The following MPIG6B variants were observed in gnomAD, a reference collection of about 807,000 sequenced individuals.
MPIG6B encodes the protein immunoglobulin receptor.
In MPIG6B, 22 loss-of-function variants were observed where a neutral mutation model predicts 24.2. The ratio of observed to expected loss-of-function variants is 0.91; its 90% confidence interval spans 0.65 to 1.30. The LOEUF is 1.30. Ranked by LOEUF, MPIG6B falls within the 50% of genes most tolerant of loss-of-function variation. The pLI is 0.00. For synonymous variants in MPIG6B, 136 were observed against 142.0 expected (o/e 0.96, Z 0.30); for missense variants, 301 against 318.5 (o/e 0.94, Z 0.42).
At chr6:31,724,663 A>G in intron 4 of MPIG6B, 36 bp downstream of exon 4, 9 of 1,607,390 alleles carry the variant, frequency 5.6e-6, no homozygotes, top group Non-Finnish European at 7.7e-6. Flanking sequence ...TTTCTCCTAC[A>G]TGCCCACTCC....
In MPIG6B at chr6:31,725,006, A is replaced by G; in HGVS notation, c.658A>G (p.Ser220Gly). 1 of 1,613,842 alleles carries G rather than the reference A, an allele frequency of 6.2e-7. No homozygotes were observed. The highest frequency in any genetic ancestry group is 8.5e-7 in the Non-Finnish European group (1 of 1,179,984). Residue 220 changes from serine to glycine, a missense_variant, in exon 6 of 6, where the codon AGC (serine) becomes GGC (glycine). Physicochemically the swap from Ser to Gly is moderately conservative, Grantham distance 56 (BLOSUM62 0). Coordinates refer to ENST00000649779, the MANE Select transcript of MPIG6B (RefSeq NM_138272.3). The surrounding 1 kb of genome is among the most constrained non-coding windows in gnomAD (Gnocchi z 5.2). ...LYADLDHLAL[S>G]RPRRLSTADP... ...TGCGGATCTGGACCATCTAGCCCTC[A>G]GCAGGCCCCGCCGGCTGTCCACAGC...
At chr6:31,721,500 G>A, upstream of MPIG6B, 1 of 761,222 alleles carries the variant, frequency 1.3e-6, no homozygotes, top group East Asian at 2.7e-5. Flanking sequence ...GGTGGCACAG[G>A]AGAGCTGAGC....
chr6:31,724,253 C>A, intron 3 of MPIG6B, 21 bp downstream of exon 3: 2 of 1,591,136 alleles, frequency 1.3e-6, no homozygotes, highest in Non-Finnish European at 1.7e-6. Flanking sequence ...GGGACCCGGC[C>A]TCGTTAAATG....
At chr6:31,722,599 G>A (rs1403752028), upstream of MPIG6B, among the ~76,000 whole-genome samples, 1 of 152,196 alleles carries the variant, frequency 6.6e-6, no homozygotes, top group Non-Finnish European at 1.5e-5. Flanking sequence ...GCTCACACCT[G>A]TAATCTCAGC....
rs750310186 is a variant in MPIG6B, at chr6:31,725,120, C to T, written c.*46C>T. 5 of 1,350,168 alleles carry T rather than the reference C, an allele frequency of 3.7e-6. No homozygotes were observed. In the East Asian group the frequency reaches 1.1e-4, roughly 31 times the overall value. 83.6% of individuals were successfully genotyped at this position (1,350,168 alleles called of 1,614,324 possible). A position where few individuals can be genotyped will look rare whatever the true frequency, so the allele number is the denominator to read the frequency against. On this transcript the variant is annotated 3_prime_UTR_variant, in exon 6 of 6. Transcript: ENST00000649779. This position sits in a 1 kb window ranked among gnomAD's most constrained non-coding sequence, Gnocchi z 5.2. Reference sequence around the variant, plus strand: ...CCTCCCAAGCTAGGGGATCCCAGCTCCCCATAATCCCTCTCCCCTCCTTGG... The same window carrying T: ...CCTCCCAAGCTAGGGGATCCCAGCTTCCCATAATCCCTCTCCCCTCCTTGG...
At position 31,723,874 on chromosome 6, in the gene MPIG6B, C is replaced by G. The variant is rs756862856; in HGVS notation, c.297C>G (p.Ser99Arg). 9.3e-6 allele frequency: 15 copies of G among 1,610,428 alleles called. No individual in the cohort carries two copies. The South Asian group carries it at 1.5e-4, about 17-fold the overall frequency. ...TCCGGCGGCTGGAGCTCCTCTTGAG[C>G]GCGGGGGACTCGGGCACTTTTTTCT... ...SGIRRLELLL[S>R]AGDSGTFFCK... The change falls in exon 2 of 6, where the codon AGC becomes AGG. Residue 99 changes from serine (S) to arginine (R), a missense_variant. Physicochemically the swap from Ser to Arg is moderately radical, Grantham distance 110. Transcript: ENST00000649779. This position sits in a 1 kb window ranked among gnomAD's most constrained non-coding sequence, Gnocchi z 4.3.
rs534806611 is a variant in MPIG6B, at chr6:31,723,818, G to A, written c.241G>A (p.Val81Ile). The change falls in exon 2 of 6, where the codon GTC becomes ATC. Residue 81 changes from valine (V) to isoleucine (I), a missense_variant. Val to Ile is a conservative substitution (Grantham distance 29, BLOSUM62 3). Coordinates refer to ENST00000649779, the MANE Select transcript of MPIG6B (RefSeq NM_138272.3). This position sits in a 1 kb window ranked among gnomAD's most constrained non-coding sequence, Gnocchi z 4.3. ...CACCGTGCCTCCCCTCCAGCCTTTC[G>A]TCGGCCGCCTACGCTCCCTGGACTC... ...TPTVPPLQPF[V>I]GRLRSLDSGI... 1.5e-5 allele frequency: 25 copies of A among 1,613,660 alleles called. No homozygotes were observed. The highest frequency in any genetic ancestry group is 7.7e-5 in the South Asian group (7 of 91,034).
chr6:31,724,275 G>C (rs551918822), intron 3 of MPIG6B, 43 bp downstream of exon 3: 4 of 1,470,506 alleles, frequency 2.7e-6, no homozygotes, highest in East Asian at 2.3e-5. Context: ...GGAGTGACCA[G>C]AGGTGGAAGG....
chr6:31,721,649 C>G (rs1562166689), upstream of MPIG6B: 1 of 1,614,008 alleles, frequency 6.2e-7, no homozygotes, highest in Non-Finnish European at 8.5e-7. Flanking sequence ...CAGAGCAGAA[C>G]AGACAGGGTG....
chr6:31,724,694 CTG>C (rs776867039), intron 4 of MPIG6B, 67 bp downstream of exon 4: 19 of 1,607,346 alleles, frequency 1.2e-5, no homozygotes, highest in Non-Finnish European at 1.5e-5. Context: ...ATTCCTGAGT[CTG>C]AGCCCTTGCT....
upstream of MPIG6B, chr6:31,721,811 G>T: frequency 1.1e-6 from 1 of 869,770 alleles, no homozygotes; most frequent in Non-Finnish European, 1.8e-6. Flanking sequence ...GCCTCTGGTA[G>T]CCCCTCCCTT....
chr6:31,725,325 A>C lies in MPIG6B; in HGVS notation c.*251A>C, dbSNP rs1583830758. The C allele has an allele frequency of 2.2e-6, 1 of 449,162 alleles. No individual in the cohort carries two copies. The highest frequency in any genetic ancestry group is 4.1e-5 in the South Asian group (1 of 24,466). 27.8% of individuals were successfully genotyped at this position (449,162 alleles called of 1,614,324 possible). A position where few individuals can be genotyped will look rare whatever the true frequency, so the allele number is the denominator to read the frequency against. On this transcript the variant is annotated 3_prime_UTR_variant, in exon 6 of 6. Coordinates refer to ENST00000649779, the MANE Select transcript of MPIG6B (RefSeq NM_138272.3). This position sits in a 1 kb window ranked among gnomAD's most constrained non-coding sequence, Gnocchi z 5.2. ...TCCTCTCTATACCCAATCAAGCCCT[A>C]GCTCCTTTTTTTTTTTTTTTTGAGA...
chr6:31,723,963 G>T lies in MPIG6B; in HGVS notation c.386G>T (p.Cys129Phe). The T allele has an allele frequency of 6.4e-7, 1 of 1,555,352 alleles. No homozygotes were observed. Among genetic ancestry groups the T allele is most frequent in the Non-Finnish European group, 8.7e-7 (1 of 1,148,584 alleles). ...VLHVLGDRTY[C>F]KAPGPTHGSV... Reference sequence around the variant, plus strand: ...CACGTGCTGGGGGACAGGACCTATTGCAAGGCCCCCGGGCCTACCCATGGT... The same window carrying T: ...CACGTGCTGGGGGACAGGACCTATTTCAAGGCCCCCGGGCCTACCCATGGT... The change falls in exon 2 of 6, where the codon TGC becomes TTC. Residue 129 changes from cysteine to phenylalanine, a missense_variant. Physicochemically the swap from Cys to Phe is radical, Grantham distance 205. Transcript: ENST00000649779. This position sits in a 1 kb window ranked among gnomAD's most constrained non-coding sequence, Gnocchi z 4.3.
At chr6:31,720,410 T>C (rs937109852), upstream of MPIG6B, among the ~76,000 whole-genome samples, 23 of 152,164 alleles carry the variant, frequency 1.5e-4, no homozygotes, top group African/African-American at 5.6e-4. This position sits in a 1 kb window ranked among gnomAD's most constrained non-coding sequence, Gnocchi z 4.9. Context: ...GCTGTTGCTT[T>C]GTGAAAGGCC....
At chr6:31,721,521 T>TG, upstream of MPIG6B, 1 of 979,812 alleles carries the variant, frequency 1.0e-6, no homozygotes. Flanking sequence ...CAGTTGGGGC[T>TG]GGGGGTGTTG....
upstream of MPIG6B, among the ~76,000 whole-genome samples, chr6:31,722,560 A>G (rs1250220304): frequency 6.6e-6 from 1 of 152,180 alleles, no homozygotes; most frequent in African/African-American, 2.4e-5. Flanking sequence ...AGCTAAAATA[A>G]GAATAGAAAT....
chr6:31,725,330 CTTTTT>C lies in MPIG6B; in HGVS notation c.*268_*272del. On this transcript the variant is annotated 3_prime_UTR_variant, in exon 6 of 6. Coordinates refer to ENST00000649779, the MANE Select transcript of MPIG6B (RefSeq NM_138272.3). The surrounding 1 kb of genome is among the most constrained non-coding windows in gnomAD (Gnocchi z 5.2). ...TCTATACCCAATCAAGCCCTAGCTC[CTTTTT>C]TTTTTTTTTTTGAGACGGAGTCTCG... The C allele has an allele frequency of 2.3e-4, 77 of 333,032 alleles. No homozygotes were observed. Among genetic ancestry groups the C allele is most frequent in the East Asian group, 3.1e-4 (6 of 19,252 alleles). 20.6% of individuals were successfully genotyped at this position (333,032 alleles called of 1,614,324 possible). A position where few individuals can be genotyped will look rare whatever the true frequency, so the allele number is the denominator to read the frequency against.
In MPIG6B at chr6:31,725,036, C is replaced by A; in HGVS notation, c.688C>A (p.Pro230Thr). The A allele has an allele frequency of 6.2e-7, 1 of 1,613,790 alleles. No homozygotes were observed. The highest frequency in any genetic ancestry group is 1.3e-5 in the African/African-American group (1 of 75,062). ...SRPRRLSTAD[P>T]ADASTIYAVV... Reference sequence around the variant, plus strand: ...GCCCCGCCGGCTGTCCACAGCGGACCCTGCTGATGCCTCCACCATCTATGC... The same window carrying A: ...GCCCCGCCGGCTGTCCACAGCGGACACTGCTGATGCCTCCACCATCTATGC... The change falls in exon 6 of 6, where the codon CCT (proline) becomes ACT (threonine). Residue 230 changes from proline (P) to threonine (T), a missense_variant. Physicochemically the swap from Pro to Thr is conservative, Grantham distance 38 (BLOSUM62 -1). Coordinates refer to ENST00000649779, the MANE Select transcript of MPIG6B (RefSeq NM_138272.3). This position sits in a 1 kb window ranked among gnomAD's most constrained non-coding sequence, Gnocchi z 5.2.
At chr6:31,724,508 C>A in intron 3 of MPIG6B, 79 bp from the exon 4 acceptor site, 2 of 1,225,982 alleles carry the variant, frequency 1.6e-6, no homozygotes, top group Non-Finnish European at 2.4e-6. Flanking sequence ...AGTTGCTGGG[C>A]TGTCCTTGGC....
Sources: allele counts gnomAD v4.1 joint callset (sites outside exome capture counted in the v4.1 genomes callset), GRCh38; gene constraint gnomAD v4.1.1; non-coding constraint Gnocchi (gnomAD v3.1); transcripts MANE v1.5; gene names NCBI Gene and HGNC (gene_info 2026-07-23, HGNC 2026-07-21).